The following METTL15 variants were observed in gnomAD, a reference collection of about 807,000 sequenced individuals.
METTL15 encodes the protein 12S rRNA N(4)-cytidine methyltransferase METTL15.
Under a neutral mutation model 38.3 loss-of-function variants are expected in METTL15, and 34 were observed. The ratio of observed to expected loss-of-function variants is 0.89; its 90% CI spans 0.68 to 1.18. The LOEUF (loss-of-function observed/expected upper bound fraction) is 1.18. Among genes scored for constraint, METTL15 ranks in the 50% most tolerant of loss-of-function variants. METTL15 has a pLI of 0.00. For missense variants in METTL15, 438 were observed against 498.4 expected, an observed-to-expected ratio of 0.88 and a Z score of 1.15; for synonymous variants, 162 against 170.9, an observed-to-expected ratio of 0.95 and a Z score of 0.41.
At chr11:28,334,601 T>C (rs1367167899), downstream of METTL15, among the ~76,000 whole-genome samples, 3 of 152,046 alleles carry the variant, frequency 2.0e-5, no homozygotes, top group Non-Finnish European at 2.9e-5. Flanking sequence ...TGAAGTATGG[T>C]TTGTAAAAAT....
intron 4 of METTL15, among the ~76,000 whole-genome samples, chr11:28,281,311 C>T (rs1856045920): frequency 6.6e-6 from 1 of 152,142 alleles, no homozygotes; most frequent in African/African-American, 2.4e-5. Context: ...GGGCTATTTC[C>T]TGGTCATATC....
chr11:28,232,509 T>C (rs947300607), intron 4 of METTL15, among the ~76,000 whole-genome samples: 2 of 151,720 alleles, frequency 1.3e-5, no homozygotes, highest in African/African-American at 2.4e-5. Context: ...GTATACTATA[T>C]AATAGTAAGT....
At chr11:28,457,984 C>T (rs905747175) in intron 6 of METTL15, among the ~76,000 whole-genome samples, 2 of 152,126 alleles carry the variant, frequency 1.3e-5, no homozygotes, top group African/African-American at 2.4e-5. Flanking sequence ...TTGTAAAGCT[C>T]CCCCTCAGGG....
At chr11:28,208,389 G>C (rs144341061) in intron 3 of METTL15, among the ~76,000 whole-genome samples, 5,028 of 152,192 alleles carry the variant, frequency 0.033, 284 homozygotes, top group African/African-American at 0.11. Flanking sequence ...TTCAGGGGCA[G>C]GTTGTTCAGT....
chr11:28,266,322 A>G (rs192093121), intron 4 of METTL15, among the ~76,000 whole-genome samples: 50 of 152,312 alleles, frequency 3.3e-4, no homozygotes, highest in African/African-American at 1.1e-3. Flanking sequence ...ATGTCCATCA[A>G]TGATAGACTG....
intron 6 of METTL15, among the ~76,000 whole-genome samples, chr11:28,459,987 T>C (rs944408871): frequency 3.3e-5 from 5 of 152,102 alleles, no homozygotes; most frequent in African/African-American, 1.2e-4. Flanking sequence ...TGAGGCCCAT[T>C]TATTTATGTG....
chr11:28,243,714 A>C (rs1854397765), intron 4 of METTL15, among the ~76,000 whole-genome samples: 1 of 152,168 alleles, frequency 6.6e-6, no homozygotes, highest in Non-Finnish European at 1.5e-5. Flanking sequence ...TTGAAAACTC[A>C]TCTTAACTAT....
intron 6 of METTL15, among the ~76,000 whole-genome samples, chr11:28,482,858 A>T (rs563489944): frequency 6.6e-6 from 1 of 152,290 alleles, no homozygotes; most frequent in South Asian, 2.1e-4. Flanking sequence ...GCACTGTTTG[A>T]ACTATGATTC....
chr11:28,367,956 A>T (rs948609195), intron 5 of METTL15, among the ~76,000 whole-genome samples: 2 of 152,140 alleles, frequency 1.3e-5, no homozygotes, highest in African/African-American at 4.8e-5. Flanking sequence ...AGATGGATCA[A>T]AGACTTAAAC....
At chr11:28,245,708 T>C (rs1356331034) in intron 4 of METTL15, among the ~76,000 whole-genome samples, 2 of 152,152 alleles carry the variant, frequency 1.3e-5, no homozygotes, top group African/African-American at 4.8e-5. Context: ...ATCAGTTCCA[T>C]AGGCTGTATA....
At chr11:28,393,400 A>C (rs368359981) in intron 5 of METTL15, among the ~76,000 whole-genome samples, 150 of 152,282 alleles carry the variant, frequency 9.9e-4, no homozygotes, top group African/African-American at 1.9e-3. Context: ...TAAAGAAATG[A>C]TAATCATTTA....
At chr11:28,403,959 A>G (rs1339536866) in intron 5 of METTL15, among the ~76,000 whole-genome samples, 2 of 151,960 alleles carry the variant, frequency 1.3e-5, no homozygotes, top group Non-Finnish European at 2.9e-5. Context: ...GCTGTTATAC[A>G]TTCTGATGAT....
chr11:28,471,709 A>T (rs892027509), intron 6 of METTL15, among the ~76,000 whole-genome samples: 5 of 152,032 alleles, frequency 3.3e-5, no homozygotes, highest in African/African-American at 1.2e-4. Flanking sequence ...TGTGCTAGAT[A>T]TTTCTTTATA....
intron 4 of METTL15, among the ~76,000 whole-genome samples, chr11:28,277,364 T>G (rs960971775): frequency 2.6e-5 from 4 of 151,992 alleles, no homozygotes; most frequent in African/African-American, 7.2e-5. Context: ...ATAAGGAAAA[T>G]GTATGTGTAT....
chr11:28,521,037 G>T, intron 6 of METTL15, among the ~76,000 whole-genome samples: 1 of 151,246 alleles, frequency 6.6e-6, no homozygotes, highest in Admixed American at 6.6e-5. Context: ...TTAACTTCAG[G>T]AACTGTTAAC....
chr11:28,398,463 G>C (rs989892428), intron 5 of METTL15, among the ~76,000 whole-genome samples: 3 of 151,964 alleles, frequency 2.0e-5, no homozygotes, highest in Non-Finnish European at 1.5e-5. Context: ...TATGCTGGCC[G>C]CATAGATGTC....
intron 4 of METTL15, among the ~76,000 whole-genome samples, chr11:28,265,388 G>A (rs1855372830): frequency 6.6e-6 from 1 of 151,694 alleles, no homozygotes; most frequent in Admixed American, 6.6e-5. Context: ...ATCATAGAAA[G>A]GATAGAAAGA....
intron 6 of METTL15, among the ~76,000 whole-genome samples, chr11:28,523,171 C>T (rs1260592517): frequency 6.6e-6 from 1 of 152,148 alleles, no homozygotes; most frequent in Non-Finnish European, 1.5e-5. Context: ...GTTAAAACAG[C>T]AGGTACTGAA....
intron 4 of METTL15, among the ~76,000 whole-genome samples, chr11:28,269,131 A>G (rs1855544477): frequency 6.6e-6 from 1 of 152,182 alleles, no homozygotes; most frequent in South Asian, 2.1e-4. Context: ...TGAAACCCCA[A>G]GTGATCCAGT....
Sources: gnomAD v4.1 joint callset for allele counts (sites outside exome capture counted in the v4.1 genomes callset) on GRCh38, gnomAD v4.1.1 for gene constraint, MANE v1.5 for transcripts, NCBI Gene and HGNC (gene_info 2026-07-23, HGNC 2026-07-21) for gene names.